FSHR: variants seen among roughly 807,000 people sequenced by gnomAD.
FSHR encodes follicle-stimulating hormone receptor.
FSHR carries 46 observed loss-of-function variants against 52.1 expected under a neutral mutation model. The observed-to-expected ratio is 0.88, with a 90% CI of 0.70 to 1.13. The LOEUF is 1.13. Ranked by LOEUF, FSHR falls within the 50% of genes most tolerant of loss-of-function variation. The pLI is 0.00. For missense variants in FSHR, 964 were observed against 834.6 expected (o/e 1.16, Z -1.91); for synonymous variants, 399 against 309.6 (o/e 1.29, Z -3.03).
At chr2:49,131,428 A>G (rs1672272868) in intron 1 of FSHR, among the ~76,000 whole-genome samples, 1 of 152,192 alleles carries the variant, frequency 6.6e-6, no homozygotes, top group Non-Finnish European at 1.5e-5. Flanking sequence ...ACTGCAGGCA[A>G]TAAAAACAAA....
chr2:49,056,375 T>C (rs2104314235), intron 2 of FSHR, among the ~76,000 whole-genome samples: 1 of 148,174 alleles, frequency 6.7e-6, no homozygotes, highest in African/African-American at 2.5e-5. Context: ...TTAAAAGATG[T>C]AAAAAGAGAC....
intron 2 of FSHR, among the ~76,000 whole-genome samples, chr2:49,049,001 A>G (rs1179443441): frequency 6.6e-6 from 1 of 152,144 alleles, no homozygotes; most frequent in East Asian, 1.9e-4. Context: ...AAATAAAAAT[A>G]AATAGTTCAT....
At chr2:49,112,453 A>G (rs1343341928) in intron 1 of FSHR, among the ~76,000 whole-genome samples, 1 of 152,166 alleles carries the variant, frequency 6.6e-6, no homozygotes, top group South Asian at 2.1e-4. Flanking sequence ...TTAACCATTT[A>G]CTGATAATTA....
chr2:49,099,991 G>T (rs905434992), intron 1 of FSHR, among the ~76,000 whole-genome samples: 2 of 152,140 alleles, frequency 1.3e-5, no homozygotes, highest in Admixed American at 1.3e-4. Context: ...AGGGAAATGA[G>T]CTATAAATGC....
intron 2 of FSHR, among the ~76,000 whole-genome samples, chr2:49,067,512 G>T (rs1669552393): frequency 6.6e-6 from 1 of 152,030 alleles, no homozygotes; most frequent in South Asian, 2.1e-4. Flanking sequence ...CTGTCTCACT[G>T]CAGAGAAGAA....
chr2:49,068,273 T>A lies in FSHR; in HGVS notation c.170A>T (p.Lys57Met). The A allele has an allele frequency of 6.2e-7, 1 of 1,611,734 alleles. No individual in the cohort carries two copies. Among genetic ancestry groups the A allele is most frequent in the Non-Finnish European group, 8.5e-7 (1 of 1,178,634 alleles). Residue 57 changes from lysine (K) to methionine (M), a missense_variant, in exon 2 of 10, where the codon AAG becomes ATG. Physicochemically the swap from Lys to Met is moderately conservative, Grantham distance 95. Coordinates refer to ENST00000406846, the MANE Select transcript of FSHR (RefSeq NM_000145.4). ...TGCACCTTTTTGGATGACTCGAAGCTTGGTGAGGACAAACCTCCTGCAAAG... is the reference window on the plus strand; with the variant it reads ...TGCACCTTTTTGGATGACTCGAAGCATGGTGAGGACAAACCTCCTGCAAAG... ...NAIELRFVLT[K>M]LRVIQKGAFS...
chr2:49,049,559 G>A (rs565577835), intron 2 of FSHR, among the ~76,000 whole-genome samples: 1 of 152,052 alleles, frequency 6.6e-6, no homozygotes, highest in Admixed American at 6.6e-5. Context: ...GCATATCTGT[G>A]CTCTACCAAG....
intron 4 of FSHR, among the ~76,000 whole-genome samples, chr2:48,999,939 T>C (rs1676183202): frequency 6.6e-6 from 1 of 152,096 alleles, no homozygotes; most frequent in African/African-American, 2.4e-5. Context: ...GTCACCTTCT[T>C]TTACTGTAGA....
intron 2 of FSHR, among the ~76,000 whole-genome samples, chr2:49,026,727 G>A (rs752391731): frequency 6.6e-6 from 1 of 152,172 alleles, no homozygotes; most frequent in Non-Finnish European, 1.5e-5. Context: ...ACACAGCCGA[G>A]TAAACAGTGG....
At chr2:49,109,475 G>A (rs1169942665) in intron 1 of FSHR, among the ~76,000 whole-genome samples, 1 of 152,194 alleles carries the variant, frequency 6.6e-6, no homozygotes, top group East Asian at 1.9e-4. Flanking sequence ...ATAGACTGTA[G>A]TGGGCAAAGT....
At chr2:49,085,217 G>T (rs199705922) in intron 1 of FSHR, among the ~76,000 whole-genome samples, 1 of 138,588 alleles carries the variant, frequency 7.2e-6, no homozygotes, top group Non-Finnish European at 1.6e-5. Flanking sequence ...ATGTAATCCA[G>T]CATATAAACA....
intron 4 of FSHR, among the ~76,000 whole-genome samples, chr2:49,010,960 T>C (rs1301004199): frequency 6.6e-6 from 1 of 151,870 alleles, no homozygotes; most frequent in Admixed American, 6.6e-5. Context: ...TCAATTTTGT[T>C]GATCCTTTCA....
chr2:49,023,720 A>G (rs1357478377), intron 2 of FSHR, among the ~76,000 whole-genome samples: 14 of 152,086 alleles, frequency 9.2e-5, no homozygotes, highest in Non-Finnish European at 1.3e-4. Flanking sequence ...AAAACAGGAG[A>G]GAGGACGGGT....
At chr2:49,014,289 ATCT>A (rs1667401645) in intron 4 of FSHR, among the ~76,000 whole-genome samples, 2 of 152,116 alleles carry the variant, frequency 1.3e-5, no homozygotes, top group African/African-American at 2.4e-5. Context: ...GAGAACAATA[ATCT>A]TCTCTCAGAA....
intron 8 of FSHR, among the ~76,000 whole-genome samples, chr2:48,974,090 T>G (rs1167866479): frequency 6.6e-6 from 1 of 152,118 alleles, no homozygotes; most frequent in Non-Finnish European, 1.5e-5. Flanking sequence ...TAAGGGGAGA[T>G]GAATGAAAGG....
chr2:48,988,881 G>C, intron 6 of FSHR, 96 bp downstream of exon 6: 2 of 1,005,446 alleles, frequency 2.0e-6, no homozygotes, highest in Non-Finnish European at 1.6e-6. Flanking sequence ...AAATGCCAAA[G>C]TTACCCAAAC....
At chr2:48,977,010 G>GT (rs1264378996) in intron 8 of FSHR, among the ~76,000 whole-genome samples, 1 of 151,858 alleles carries the variant, frequency 6.6e-6, no homozygotes, top group Non-Finnish European at 1.5e-5. Context: ...TAGATGATGG[G>GT]TTGATGGGTG....
At chr2:49,114,901 C>A (rs978609700) in intron 1 of FSHR, among the ~76,000 whole-genome samples, 1 of 151,754 alleles carries the variant, frequency 6.6e-6, no homozygotes, top group African/African-American at 2.4e-5. Context: ...AAATGAGGAT[C>A]CTTTGAAAGG....
chr2:49,016,001 G>C (rs1922468), intron 4 of FSHR, among the ~76,000 whole-genome samples: 19,925 of 152,066 alleles, frequency 0.13, 2,492 homozygotes, highest in African/African-American at 0.29. Flanking sequence ...TTCTGGGGTA[G>C]CTGTCAGAGA....
Sources: allele counts gnomAD v4.1 joint callset (sites outside exome capture counted in the v4.1 genomes callset), GRCh38; gene constraint gnomAD v4.1.1; transcripts MANE v1.5; gene names NCBI Gene and HGNC (gene_info 2026-07-23, HGNC 2026-07-21).